KIRREL3: variants seen among roughly 807,000 people sequenced by gnomAD.
KIRREL3 encodes the protein kin of IRRE-like protein 3.
In KIRREL3, 36 loss-of-function variants were observed where a neutral mutation model predicts 89.7. That is an observed-to-expected ratio of 0.40 (90% CI 0.31 to 0.53). KIRREL3 has a LOEUF of 0.53. Ranked by LOEUF, KIRREL3 falls within the 20% of genes least tolerant of loss-of-function variation. The pLI, the probability that KIRREL3 is intolerant of heterozygous loss-of-function variation, is 0.49. For missense variants in KIRREL3, 864 were observed against 1,056.6 expected (o/e 0.82, Z 2.53); for synonymous variants, 445 against 441.4 (o/e 1.01, Z -0.10).
rs1240758865 is a variant in KIRREL3, at chr11:126,791,206, A to ATT, written c.55+209247_55+209248dup. On this transcript the variant is annotated intron_variant, in intron 1 of 16. Transcript: ENST00000525144. This position sits in a 1 kb window ranked among gnomAD's most constrained non-coding sequence, Gnocchi z 4.8. ...AAAGTCTGTGTTTAGGAAACCTCTT[A>ATT]TTGAGGAAAGAGTACATTTTGGGGG... is the stretch of plus-strand genomic sequence containing the variant. Among the ~76,000 whole-genome samples the ATT allele has an allele frequency of 1.3e-5, 2 of 152,162 alleles. No individual in the cohort carries two copies. The highest frequency in any genetic ancestry group is 4.8e-5 in the African/African-American group (2 of 41,450).
chr11:126,657,647 A>G (rs1440192191), intron 1 of KIRREL3, among the ~76,000 whole-genome samples: 1 of 152,110 alleles, frequency 6.6e-6, no homozygotes, highest in Non-Finnish European at 1.5e-5. Context: ...AATGACACAG[A>G]GACAGTCCGT....
chr11:126,893,254 C>T (rs186599804), intron 1 of KIRREL3, among the ~76,000 whole-genome samples: 11 of 152,206 alleles, frequency 7.2e-5, no homozygotes, highest in Non-Finnish European at 1.3e-4. Context: ...TCTGATGCCC[C>T]GGAACGTCCG....
intron 1 of KIRREL3, among the ~76,000 whole-genome samples, chr11:126,592,187 G>C (rs1043492486): frequency 6.6e-6 from 1 of 152,102 alleles, no homozygotes; most frequent in Admixed American, 6.6e-5. Context: ...GGTACTTTCC[G>C]AACAGTTATT....
In KIRREL3 at chr11:126,863,161, C is replaced by T. The variant is rs550773855; in HGVS notation, c.55+137294G>A. Among the ~76,000 whole-genome samples the T allele has an allele frequency of 1.6e-4, 24 of 152,330 alleles. No homozygotes were observed. In the East Asian group the frequency reaches 3.5e-3, roughly 22 times the overall value. On this transcript the variant is annotated intron_variant, in intron 1 of 16. Transcript: ENST00000525144. ...CCACATGAAAGTGTGGAACACAGCA[C>T]GAAGGTGTTTCTGCAGCACCTGGGC...
intron 1 of KIRREL3, among the ~76,000 whole-genome samples, chr11:126,857,701 AC>A (rs765180388): frequency 8.1e-4 from 119 of 147,798 alleles, no homozygotes; most frequent in South Asian, 6.5e-3. Context: ...CTCAGAGTCA[AC>A]CGTTTTTCTA....
chr11:126,892,182 A>T lies in KIRREL3; in HGVS notation c.55+108273T>A, dbSNP rs1244825481. On this transcript the variant is annotated intron_variant, in intron 1 of 16. Transcript: ENST00000525144. The surrounding 1 kb of genome is among the most constrained non-coding windows in gnomAD (Gnocchi z 5.4). The stretch of plus-strand genomic sequence containing the variant: ...TAGAAGCTTTCCTTTCCTAATTGAA[A>T]TTTTACAGGGAACAATATTTAAAAT... Among the ~76,000 whole-genome samples, 1 of 152,108 alleles carries T rather than the reference A, an allele frequency of 6.6e-6. No homozygotes were observed. Among genetic ancestry groups the T allele is most frequent in the Non-Finnish European group, 1.5e-5 (1 of 68,034 alleles).
At position 126,576,916 on chromosome 11, in the gene KIRREL3, T is replaced by C. The variant is rs1941283779; in HGVS notation, c.56-14004A>G. Among the ~76,000 whole-genome samples, 1 of 152,200 alleles carries C rather than the reference T, an allele frequency of 6.6e-6. No individual in the cohort carries two copies. Among genetic ancestry groups the C allele is most frequent in the Non-Finnish European group, 1.5e-5 (1 of 68,044 alleles). ...TTTACACACACACAGTTATGCCATT[T>C]AGTCCACACTGTAACTGGGGAGGGA... On this transcript the variant is annotated intron_variant, in intron 1 of 16. Coordinates refer to ENST00000525144, the MANE Select transcript of KIRREL3 (RefSeq NM_032531.4). The surrounding 1 kb of genome is among the most constrained non-coding windows in gnomAD (Gnocchi z 5.4).
rs138112843 is a variant in KIRREL3, at chr11:126,430,137, CAAA to C, written c.1697-852_1697-850del. On this transcript the variant is annotated intron_variant, in intron 14 of 16. Transcript: ENST00000525144. This position sits in a 1 kb window ranked among gnomAD's most constrained non-coding sequence, Gnocchi z 6.6. ...TGGGCAACAGGATGAGACTCTGTCT[CAAA>C]AAAAAAAAAGGAAATTCTTGAGGAG... 7.8e-6 allele frequency among the ~76,000 whole-genome samples: 1 copy of C among 127,660 alleles called. No homozygotes were observed. The allele number at this position is 127,660 out of a possible 152,430, so 83.7% of individuals were successfully genotyped here.
rs1174012303 is a variant in KIRREL3, at chr11:126,557,813, A to G, written c.133+5022T>C. 1.3e-5 allele frequency among the ~76,000 whole-genome samples: 2 copies of G among 152,172 alleles called. No homozygotes were observed. Among genetic ancestry groups the G allele is most frequent in the Admixed American group, 6.5e-5 (1 of 15,272 alleles). On this transcript the variant is annotated intron_variant, in intron 2 of 16. Transcript: ENST00000525144. The surrounding 1 kb of genome is among the most constrained non-coding windows in gnomAD (Gnocchi z 5.6). ...AGGGGCATTTGCACACAGAGCCTGG[A>G]CTGGGACCACAGTGCTGTTCGGGAG...
intron 1 of KIRREL3, among the ~76,000 whole-genome samples, chr11:126,698,395 G>A (rs904712827): frequency 6.6e-5 from 10 of 152,180 alleles, no homozygotes; most frequent in Non-Finnish European, 1.5e-5. Context: ...CTCTCCAAAC[G>A]CTATTATGAA....
In KIRREL3 at chr11:126,607,410, A is replaced by T. The variant is rs1343473867; in HGVS notation, c.56-44498T>A. ...AGGAAGGGCTGGAGGAGAGATCAGG[A>T]AGGAGAGATCCACATCTGGCTCCGA... On this transcript the variant is annotated intron_variant, in intron 1 of 16. Coordinates refer to ENST00000525144, the MANE Select transcript of KIRREL3 (RefSeq NM_032531.4). This position sits in a 1 kb window ranked among gnomAD's most constrained non-coding sequence, Gnocchi z 6.6. Among the ~76,000 whole-genome samples the T allele has an allele frequency of 6.6e-6, 1 of 151,894 alleles. No homozygotes were observed. Among genetic ancestry groups the T allele is most frequent in the Non-Finnish European group, 1.5e-5 (1 of 67,974 alleles).
chr11:126,437,084 C>T, intron 11 of KIRREL3, 75 bp from the exon 12 acceptor site: 4 of 1,331,712 alleles, frequency 3.0e-6, no homozygotes, highest in Non-Finnish European at 4.0e-6. Flanking sequence ...AGTCACAGTG[C>T]CACTGTCCTG....
rs1375711607 is a variant in KIRREL3 at position 126,521,322 on chromosome 11, T to C, written c.426A>G (p.Thr142=). The C allele has an allele frequency of 6.5e-7, 1 of 1,546,202 alleles. No individual in the cohort carries two copies. Among genetic ancestry groups the C allele is most frequent in the Non-Finnish European group, 8.7e-7 (1 of 1,143,538 alleles). The stretch of plus-strand genomic sequence containing the variant: ...TGTGCAGATGGTTCTTACCCAGGAC[T>C]GTGAGGCGTGCGGGGCGGGAGCGGA... ...AAIRSRPARL[T]VLVPPDDPVI... The change falls in exon 4 of 17, where the codon ACA becomes ACG. Residue 142 remains threonine (T), a synonymous_variant. Transcript: ENST00000525144. The surrounding 1 kb of genome is among the most constrained non-coding windows in gnomAD (Gnocchi z 4.1).
chr11:126,457,995 G>C (rs1377983758), intron 6 of KIRREL3, among the ~76,000 whole-genome samples: 1 of 152,192 alleles, frequency 6.6e-6, no homozygotes, highest in Non-Finnish European at 1.5e-5. Flanking sequence ...CACCCCTGCT[G>C]CTGGGCTCCT....
At position 126,516,197 on chromosome 11, in the gene KIRREL3, G is replaced by T. The variant is rs1341545359; in HGVS notation, c.433+5118C>A. Among the ~76,000 whole-genome samples, 3 of 152,176 alleles carry T rather than the reference G, an allele frequency of 2.0e-5. No individual in the cohort carries two copies. Among genetic ancestry groups the T allele is most frequent in the African/African-American group, 7.2e-5 (3 of 41,442 alleles). On this transcript the variant is annotated intron_variant, in intron 4 of 16. Transcript: ENST00000525144. The surrounding 1 kb of genome is among the most constrained non-coding windows in gnomAD (Gnocchi z 4.9). ...AAAAGATGCCCTCTTTATTTGAATTGACTTAGTCTCCCTCTTAAATAATTC... is the reference window on the plus strand; with the variant it reads ...AAAAGATGCCCTCTTTATTTGAATTTACTTAGTCTCCCTCTTAAATAATTC...
rs952050474 is a variant in KIRREL3, at chr11:126,763,111, C to T, written c.56-200199G>A. ...CTTCCAAACACATTCCTATCCTCGT[C>T]TGGCATTGAGAGAAGAGTGCAGGAC... is the stretch of plus-strand genomic sequence containing the variant. On this transcript the variant is annotated intron_variant, in intron 1 of 16. Coordinates refer to ENST00000525144, the MANE Select transcript of KIRREL3 (RefSeq NM_032531.4). The surrounding 1 kb of genome is among the most constrained non-coding windows in gnomAD (Gnocchi z 4.7). Among the ~76,000 whole-genome samples, 2 of 152,182 alleles carry T rather than the reference C, an allele frequency of 1.3e-5. No individual in the cohort carries two copies. The highest frequency in any genetic ancestry group is 4.8e-5 in the African/African-American group (2 of 41,450).
intron 1 of KIRREL3, among the ~76,000 whole-genome samples, chr11:126,644,680 A>G (rs1322658661): frequency 1.3e-5 from 2 of 152,208 alleles, no homozygotes; most frequent in African/African-American, 4.8e-5. Flanking sequence ...CAGTGGATGG[A>G]AATATTGGGG....
intron 1 of KIRREL3, among the ~76,000 whole-genome samples, chr11:126,792,192 C>T (rs1592135259): frequency 6.6e-6 from 1 of 152,150 alleles, no homozygotes; most frequent in African/African-American, 2.4e-5. Context: ...GCTAGCAGAC[C>T]ACTGTGAGTC....
At chr11:126,658,843 A>G (rs1945271465) in intron 1 of KIRREL3, among the ~76,000 whole-genome samples, 1 of 152,196 alleles carries the variant, frequency 6.6e-6, no homozygotes, top group Non-Finnish European at 1.5e-5. Flanking sequence ...CTTACTGCTT[A>G]TTTTAGAAAG....
Sources: allele counts gnomAD v4.1 joint callset (sites outside exome capture counted in the v4.1 genomes callset), GRCh38; gene constraint gnomAD v4.1.1; non-coding constraint Gnocchi (gnomAD v3.1); transcripts MANE v1.5; gene names NCBI Gene and HGNC (gene_info 2026-07-23, HGNC 2026-07-21).